The following IKZF2 variants were observed in gnomAD, a reference collection of about 807,000 sequenced individuals.
The protein encoded by IKZF2 is IKAROS family zinc finger 2.
A neutral mutation model predicts 49.2 loss-of-function variants in IKZF2; 15 were observed. The observed-to-expected ratio is 0.30, with a 90% CI of 0.20 to 0.47. The LOEUF is 0.47. IKZF2 is among the 20% of genes least tolerant of loss of function. The pLI, the probability that IKZF2 is intolerant of heterozygous loss-of-function variation, is 1.00. For synonymous variants in IKZF2, 227 were observed against 221.4 expected (o/e 1.03, Z -0.23); for missense variants, 567 against 664.6 (o/e 0.85, Z 1.61).
intron 5 of IKZF2, among the ~76,000 whole-genome samples, chr2:213,056,250 C>T (rs921668540): frequency 1.3e-5 from 2 of 152,122 alleles, no homozygotes; most frequent in East Asian, 3.9e-4. Flanking sequence ...ACACCAGCCA[C>T]TATTTGTCAT....
intron 4 of IKZF2, chr2:213,147,262 CTT>C (rs1259379289): frequency 4.2e-6 from 1 of 238,596 alleles, no homozygotes; most frequent in Non-Finnish European, 8.1e-6. Flanking sequence ...GGAGAAGAAA[CTT>C]TCACATTTTT....
At chr2:213,059,995 C>T (rs1265455961) in intron 4 of IKZF2, among the ~76,000 whole-genome samples, 1 of 151,226 alleles carries the variant, frequency 6.6e-6, no homozygotes, top group Non-Finnish European at 1.5e-5. Context: ...TGTATTTATA[C>T]AGTAAATCAA....
chr2:213,015,127 T>G (rs567301978), intron 7 of IKZF2: 6 of 152,200 alleles, frequency 3.9e-5, no homozygotes, highest in Non-Finnish European at 7.4e-5. Context: ...TCAGTTGATG[T>G]ATTTAATAAC....
chr2:213,044,939 C>G (rs1426644718), intron 6 of IKZF2, among the ~76,000 whole-genome samples: 1 of 152,078 alleles, frequency 6.6e-6, no homozygotes, highest in African/African-American at 2.4e-5. Flanking sequence ...CTCCCTCCCC[C>G]TCAACAACTT....
intron 6 of IKZF2, among the ~76,000 whole-genome samples, chr2:213,023,448 T>C (rs1697452246): frequency 6.6e-6 from 1 of 152,194 alleles, no homozygotes; most frequent in Non-Finnish European, 1.5e-5. Flanking sequence ...TGATTATTCA[T>C]TTTTTTAAAA....
At chr2:213,043,099 C>T (rs1699822623) in intron 6 of IKZF2, among the ~76,000 whole-genome samples, 1 of 151,946 alleles carries the variant, frequency 6.6e-6, no homozygotes, top group African/African-American at 2.4e-5. Flanking sequence ...AACCAAGACA[C>T]TACTTGGTGT....
At chr2:213,072,004 T>C (rs1381830854) in intron 4 of IKZF2, among the ~76,000 whole-genome samples, 1 of 152,124 alleles carries the variant, frequency 6.6e-6, no homozygotes, top group African/African-American at 2.4e-5. Flanking sequence ...ACAAGATCGC[T>C]ATGACAAGTA....
chr2:213,074,412 T>C lies in IKZF2; in HGVS notation c.140-17313A>G, dbSNP rs1190135744. ...GAATACGTAGGCAATTGTAACCCAA[T>C]GGTATCTACATATACACAGAAAATG... On this transcript the variant is annotated intron_variant, in intron 4 of 8. Coordinates refer to ENST00000434687, the MANE Select transcript of IKZF2 (RefSeq NM_001387220.1). 5.3e-5 allele frequency among the ~76,000 whole-genome samples: 8 copies of C among 152,314 alleles called. No homozygotes were observed. The East Asian group carries it at 7.7e-4, about 15-fold the overall frequency.
chr2:213,070,615 A>G (rs1046033646), intron 4 of IKZF2, among the ~76,000 whole-genome samples: 1 of 152,166 alleles, frequency 6.6e-6, no homozygotes, highest in South Asian at 2.1e-4. Flanking sequence ...ACTGTTAAGT[A>G]TTGGATCTAT....
chr2:213,057,033 T>C lies in IKZF2; in HGVS notation c.206A>G (p.Asp69Gly). 1 of 1,613,852 alleles carries C rather than the reference T, an allele frequency of 6.2e-7. No homozygotes were observed. Among genetic ancestry groups the C allele is most frequent in the Non-Finnish European group, 8.5e-7 (1 of 1,179,852 alleles). The change falls in exon 5 of 9, where the codon GAT becomes GGT. Residue 69 changes from aspartate (D) to glycine (G), a missense_variant. Around this residue, in one of 5 missense-constraint regions of IKZF2, gnomAD observed 156 missense variants for 138.5 expected, o/e 1.13. Coordinates refer to ENST00000434687, the MANE Select transcript of IKZF2 (RefSeq NM_001387220.1). ...ECDRKPLSRE[D>G]EIRGHDEGSS... is the part of the protein sequence containing the mutation. ...ACCCTCATCATGGCCCCTGATCTCA[T>C]CTTCACGGCTCAGGGGTTTCCTGTC...
intron 4 of IKZF2, among the ~76,000 whole-genome samples, chr2:213,096,117 C>T (rs1318416556): frequency 6.6e-6 from 1 of 151,908 alleles, no homozygotes; most frequent in African/African-American, 2.4e-5. Flanking sequence ...AGCACCCATT[C>T]ACTAAGGATA....
intron 4 of IKZF2, among the ~76,000 whole-genome samples, chr2:213,072,891 T>C (rs969956905): frequency 6.6e-6 from 1 of 152,142 alleles, no homozygotes; most frequent in Admixed American, 6.5e-5. Flanking sequence ...ACTGAATTTA[T>C]GCTGTTTTAT....
chr2:213,083,196 T>A (rs942991815), intron 4 of IKZF2, among the ~76,000 whole-genome samples: 6 of 152,166 alleles, frequency 3.9e-5, no homozygotes, highest in African/African-American at 1.2e-4. Context: ...AAATAACTTC[T>A]ATAAGTTCTA....
At chr2:213,131,538 T>C (rs912088747) in intron 4 of IKZF2, among the ~76,000 whole-genome samples, 1 of 152,192 alleles carries the variant, frequency 6.6e-6, no homozygotes, top group African/African-American at 2.4e-5. Context: ...AGGTATCCCT[T>C]AAAGTGTTTT....
In IKZF2 at chr2:213,070,898, G is replaced by T. The variant is rs560657126; in HGVS notation, c.140-13799C>A. Among the ~76,000 whole-genome samples, 51 of 152,286 alleles carry T rather than the reference G, an allele frequency of 3.3e-4. No homozygotes were observed. The South Asian group carries it at 9.7e-3, about 29-fold the overall frequency. On this transcript the variant is annotated intron_variant, in intron 4 of 8. Transcript: ENST00000434687. The stretch of plus-strand genomic sequence containing the variant: ...GCCACAGGAATTTATTATTCTGTGG[G>T]CTAGTTTTGTGAAATTGGTAGCAAT...
At chr2:213,077,966 T>G (rs1353666380) in intron 4 of IKZF2, among the ~76,000 whole-genome samples, 1 of 152,178 alleles carries the variant, frequency 6.6e-6, no homozygotes, top group Non-Finnish European at 1.5e-5. Context: ...CTCTCTAAAA[T>G]CTAGCTTTGT....
chr2:213,101,473 T>C (rs1024038655), intron 4 of IKZF2, among the ~76,000 whole-genome samples: 2 of 152,060 alleles, frequency 1.3e-5, no homozygotes, highest in African/African-American at 2.4e-5. Flanking sequence ...TAGGAAAGAA[T>C]TATGATATAC....
At chr2:213,108,642 T>C (rs1574873084) in intron 4 of IKZF2, among the ~76,000 whole-genome samples, 1 of 152,200 alleles carries the variant, frequency 6.6e-6, no homozygotes, top group African/African-American at 2.4e-5. Flanking sequence ...AAAATTCCAC[T>C]AACAAAGTTG....
intron 8 of IKZF2, among the ~76,000 whole-genome samples, chr2:213,012,432 T>C (rs551860106): frequency 6.6e-6 from 1 of 152,062 alleles, no homozygotes; most frequent in South Asian, 2.1e-4. Context: ...CATTAGAGTC[T>C]AGTTAGATTT....
Sources: allele counts gnomAD v4.1 joint callset (sites outside exome capture counted in the v4.1 genomes callset), GRCh38; gene constraint gnomAD v4.1.1; regional missense constraint gnomAD v4.1.1; transcripts MANE v1.5; gene names NCBI Gene and HGNC (gene_info 2026-07-23, HGNC 2026-07-21).